PBLD: variants seen among roughly 807,000 people sequenced by gnomAD.
PBLD encodes phenazine biosynthesis-like domain-containing protein.
PBLD carries 26 observed loss-of-function variants against 31.3 expected under a neutral mutation model. The observed-to-expected ratio is 0.83, with a 90% CI of 0.61 to 1.15. PBLD has a LOEUF of 1.15. PBLD is among the 50% of genes most tolerant of loss of function. The pLI is 0.00. For missense variants in PBLD, 307 were observed against 351.7 expected, an observed-to-expected ratio of 0.87 and a Z score of 1.02; for synonymous variants, 114 against 129.0, an observed-to-expected ratio of 0.88 and a Z score of 0.79.
chr10:68,294,859 C>G (rs2044404069), intron 4 of PBLD, among the ~76,000 whole-genome samples: 1 of 152,214 alleles, frequency 6.6e-6, no homozygotes, highest in South Asian at 2.1e-4. Context: ...TCCTGAGTAG[C>G]TGGGACTACC....
At position 68,288,491 on chromosome 10, in the gene PBLD, G is replaced by A; in HGVS notation, c.683C>T (p.Pro228Leu). The A allele has an allele frequency of 3.1e-6, 5 of 1,613,560 alleles. No homozygotes were observed. Among genetic ancestry groups the A allele is most frequent in the Non-Finnish European group, 4.2e-6 (5 of 1,179,814 alleles). ...FAPWVGVAED[P>L]VTGSAHAVLS... ...GCTCAAGTAAAAAGTACCTGTCACT[G>A]GGTCTTCAGCCACACCAACCCACGG... Residue 228 changes from proline to leucine, a missense_variant, in exon 8 of 10, where the codon CCA (proline) becomes CTA (leucine). Physicochemically the swap from Pro to Leu is moderately conservative, Grantham distance 98 (BLOSUM62 -3). Transcript: ENST00000358769.
rs1030156555 is a variant in PBLD, at chr10:68,307,580, A to C, written c.-59-677T>G. ...AGTGGCATGATCTTGGCTCACTGCA[A>C]GCTCCCCCTCCCAGGTTCACGCAAT... is the stretch of plus-strand genomic sequence containing the variant. On this transcript the variant is annotated intron_variant, in intron 1 of 9. Coordinates refer to ENST00000358769, the MANE Select transcript of PBLD (RefSeq NM_022129.4). 7.2e-5 allele frequency among the ~76,000 whole-genome samples: 11 copies of C among 151,894 alleles called. No individual in the cohort carries two copies. The South Asian group carries it at 2.3e-3, about 32-fold the overall frequency.
intron 1 of PBLD, among the ~76,000 whole-genome samples, chr10:68,311,103 G>A (rs1053278489): frequency 3.9e-5 from 6 of 152,072 alleles, no homozygotes; most frequent in African/African-American, 1.2e-4. Flanking sequence ...CACCATTAAC[G>A]TACACCGCTG....
intron 1 of PBLD, among the ~76,000 whole-genome samples, chr10:68,329,470 G>A (rs2044977502): frequency 6.6e-6 from 1 of 152,216 alleles, no homozygotes; most frequent in Admixed American, 6.5e-5. Context: ...AGGAGTGAAG[G>A]AGATTACAGA....
rs199741376 is a variant in PBLD at position 68,318,520 on chromosome 10, C to CT, written c.-59-11618dup. ...AGCCTTGGTAACAGAGATCCTGTCT[C>CT]TTTTAAAAAAAAAAAAAAGACAACT... On this transcript the variant is annotated intron_variant, in intron 1 of 9. Coordinates refer to ENST00000358769, the MANE Select transcript of PBLD (RefSeq NM_022129.4). 1.7e-4 allele frequency among the ~76,000 whole-genome samples: 25 copies of CT among 143,944 alleles called. 1 individual carries two copies. Among genetic ancestry groups the CT allele is most frequent in the Admixed American group, 9.9e-4 (14 of 14,178 alleles). 94.4% of individuals were successfully genotyped at this position (143,944 alleles called of 152,430 possible).
chr10:68,289,692 C>CACACACACACACACACAG (rs1472723017), intron 6 of PBLD, among the ~76,000 whole-genome samples: 35 of 149,546 alleles, frequency 2.3e-4, no homozygotes, highest in Non-Finnish European at 4.7e-4. Flanking sequence ...CACACACACA[C>CACACACACACACACACAG]ATATCTTGAC....
At chr10:68,330,646 C>A (rs1176791898) in intron 1 of PBLD, among the ~76,000 whole-genome samples, 3 of 151,680 alleles carry the variant, frequency 2.0e-5, no homozygotes, top group Non-Finnish European at 4.4e-5. Flanking sequence ...CCCGGGTCCA[C>A]GCCATTCTCC....
At chr10:68,322,025 G>C (rs914108288) in intron 1 of PBLD, among the ~76,000 whole-genome samples, 1 of 152,144 alleles carries the variant, frequency 6.6e-6, no homozygotes, top group South Asian at 2.1e-4. Context: ...CCAAAGAACA[G>C]AGCATGGAAA....
intron 2 of PBLD, among the ~76,000 whole-genome samples, chr10:68,302,399 T>C (rs1462066084): frequency 6.6e-6 from 1 of 152,176 alleles, no homozygotes; most frequent in Non-Finnish European, 1.5e-5. Context: ...TTGTGGCAGT[T>C]TTGAAATATG....
rs1159119068 is a variant in PBLD, at chr10:68,291,999, T to C, written c.423+11A>G. 3 of 1,579,922 alleles carry C rather than the reference T, an allele frequency of 1.9e-6. No homozygotes were observed. Among genetic ancestry groups the C allele is most frequent in the Non-Finnish European group, 2.6e-6 (3 of 1,149,128 alleles). ...AAATAACTAGGCTCAGGTTTGATTC[T>C]TTTTACCAACCTTTATCAAGTCCTC... On this transcript the variant is annotated intron_variant, in intron 6 of 9. Transcript: ENST00000358769.
At chr10:68,330,842 C>A (rs2045048428) in intron 1 of PBLD, among the ~76,000 whole-genome samples, 1 of 151,926 alleles carries the variant, frequency 6.6e-6, no homozygotes, top group Non-Finnish European at 1.5e-5. Context: ...TAACCCTCTG[C>A]GCAGAAATTC....
chr10:68,293,989 CA>C lies in PBLD; in HGVS notation c.284-1752del, dbSNP rs535141630. ...AAACTCCATCTCAAAAAAACAAAAA[CA>C]AAAAAACAAAAGACACTCAATTTAA... On this transcript the variant is annotated intron_variant, in intron 4 of 9. Coordinates refer to ENST00000358769, the MANE Select transcript of PBLD (RefSeq NM_022129.4). 1.5e-4 allele frequency among the ~76,000 whole-genome samples: 23 copies of C among 151,904 alleles called. No individual in the cohort carries two copies. The South Asian group carries it at 4.8e-3, about 32-fold the overall frequency.
rs866212652 is a variant in PBLD, at chr10:68,305,310, G to A, written c.84+1451C>T. The stretch of plus-strand genomic sequence containing the variant: ...TCTTTTTTCTTAGAGACACGGTCTC[G>A]CTGTGTTGGCCAGGTTGGACTCTGG... On this transcript the variant is annotated intron_variant, in intron 2 of 9. Transcript: ENST00000358769. Among the ~76,000 whole-genome samples the A allele has an allele frequency of 3.1e-4, 43 of 137,274 alleles. 1 individual carries two copies. Among genetic ancestry groups the A allele is most frequent in the South Asian group, 6.8e-4 (3 of 4,436 alleles). The allele number at this position is 137,274 out of a possible 152,430, so 90.1% of individuals were successfully genotyped here. A position where few individuals can be genotyped will look rare whatever the true frequency, so the allele number is the denominator to read the frequency against.
chr10:68,298,997 C>T (rs1363202789), intron 2 of PBLD, among the ~76,000 whole-genome samples: 4 of 150,698 alleles, frequency 2.7e-5, no homozygotes, highest in African/African-American at 9.8e-5. Flanking sequence ...ATCCCAGCTA[C>T]TCGGGAAACT....
At chr10:68,326,847 G>A (rs1327307886) in intron 1 of PBLD, among the ~76,000 whole-genome samples, 1 of 152,160 alleles carries the variant, frequency 6.6e-6, no homozygotes, top group Non-Finnish European at 1.5e-5. Flanking sequence ...AGGAGATTGA[G>A]ACCATCCTGG....
At chr10:68,307,105 C>T (rs916938825) in intron 1 of PBLD, among the ~76,000 whole-genome samples, 1 of 152,084 alleles carries the variant, frequency 6.6e-6, no homozygotes, top group Non-Finnish European at 1.5e-5. Context: ...TCTCGGCTCA[C>T]TGTAACCTCC....
intron 4 of PBLD, among the ~76,000 whole-genome samples, chr10:68,293,075 G>T (rs1351287852): frequency 6.6e-6 from 1 of 152,122 alleles, no homozygotes; most frequent in Non-Finnish European, 1.5e-5. Flanking sequence ...TGCTCAGGCT[G>T]GTCTCTAAGT....
intron 2 of PBLD, among the ~76,000 whole-genome samples, chr10:68,298,757 TACACACACACACAC>T (rs57358655): frequency 6.7e-4 from 98 of 147,240 alleles, no homozygotes; most frequent in East Asian, 1.4e-3. Context: ...TGCATACGAA[TACACACACACACAC>T]ACACACACAC....
chr10:68,288,798 T>C, intron 7 of PBLD, 133 bp downstream of exon 7: 1 of 1,276,778 alleles, frequency 7.8e-7, no homozygotes, highest in Non-Finnish European at 1.1e-6. Context: ...GGGAATGTCT[T>C]CCTATCAGGG....
Sources: gnomAD v4.1 joint callset for allele counts (sites outside exome capture counted in the v4.1 genomes callset) on GRCh38, gnomAD v4.1.1 for gene constraint, MANE v1.5 for transcripts, NCBI Gene and HGNC (gene_info 2026-07-23, HGNC 2026-07-21) for gene names.